The following PSAP variants were observed in gnomAD, a reference collection of about 807,000 sequenced individuals.
PSAP encodes prosaposin.
In PSAP, 25 loss-of-function variants were observed where a neutral mutation model predicts 66.0. The observed-to-expected ratio is 0.38, with a 90% CI of 0.28 to 0.53. PSAP has a LOEUF of 0.53. PSAP is among the 20% of genes least tolerant of loss of function. The pLI is 0.83. For missense variants in PSAP, 649 were observed against 668.8 expected (o/e 0.97, Z 0.33); for synonymous variants, 273 against 258.9 (o/e 1.05, Z -0.52).
chr10:71,826,146 C>A (rs1388795932), intron 6 of PSAP, among the ~76,000 whole-genome samples: 2 of 152,196 alleles, frequency 1.3e-5, no homozygotes, highest in African/African-American at 4.8e-5. Context: ...CTTAAAGATT[C>A]CACCCTCCTG....
At chr10:71,846,368 C>A (rs1209265134) in intron 1 of PSAP, among the ~76,000 whole-genome samples, 1 of 149,656 alleles carries the variant, frequency 6.7e-6, no homozygotes, top group Non-Finnish European at 1.5e-5. Context: ...AGTACTTTTG[C>A]AACAGCCAAA....
At chr10:71,819,683 C>G (rs749935050) in intron 10 of PSAP, 31 bp downstream of exon 10, 5 of 1,614,050 alleles carry the variant, frequency 3.1e-6, no homozygotes, top group Non-Finnish European at 4.2e-6. Context: ...AGAGGGGCAC[C>G]ATCCTCTCCC....
chr10:71,829,813 A>T (rs1037890806), intron 4 of PSAP, among the ~76,000 whole-genome samples: 6 of 152,094 alleles, frequency 3.9e-5, no homozygotes, highest in African/African-American at 1.4e-4. Flanking sequence ...ACCCTGGCCA[A>T]TGTGGTAAAA....
At chr10:71,842,660 C>T (rs1641707296) in intron 1 of PSAP, among the ~76,000 whole-genome samples, 1 of 152,124 alleles carries the variant, frequency 6.6e-6, no homozygotes, top group Admixed American at 6.5e-5. Context: ...TACCTCAAAT[C>T]AGAGCCACCA....
chr10:71,845,304 A>T (rs763866622), intron 1 of PSAP, among the ~76,000 whole-genome samples: 2 of 152,198 alleles, frequency 1.3e-5, no homozygotes, highest in Admixed American at 6.5e-5. Flanking sequence ...CCTAACGGGG[A>T]GGAAAAACAA....
chr10:71,846,731 C>CAAAAAA (rs56323015), intron 1 of PSAP, among the ~76,000 whole-genome samples: 1 of 49,678 alleles, frequency 2.0e-5, no homozygotes, highest in African/African-American at 9.2e-5. Flanking sequence ...GACCCTGTCT[C>CAAAAAA]AAAAAAAAAA....
At position 71,819,037 on chromosome 10, in the gene PSAP, C is replaced by A. The variant is rs1589445950; in HGVS notation, c.1425G>T (p.Val475=). The A allele has an allele frequency of 6.2e-7, 1 of 1,614,056 alleles. No individual in the cohort carries two copies. The highest frequency in any genetic ancestry group is 8.5e-7 in the Non-Finnish European group (1 of 1,179,908). ...ILVEVMDPSF[V]CLKIGACPSA... ...ACCACCCAGTGAGGCTCACCAAGCA[C>A]ACGAAGGAAGGATCCATCACCTCCA... The change falls in exon 12 of 14, where the codon GTG becomes GTT. Residue 475 remains valine (V), a synonymous_variant. Transcript: ENST00000394936.
intron 3 of PSAP, 131 bp from the exon 4 acceptor site, chr10:71,831,382 G>A (rs767902268): frequency 1.4e-4 from 173 of 1,213,964 alleles, no homozygotes; most frequent in Non-Finnish European, 2.0e-4. Flanking sequence ...CAGGGAAAAG[G>A]ACTTGGCCAT....
At chr10:71,834,543 G>C in intron 1 of PSAP, 38 bp from the exon 2 acceptor site, 6 of 1,610,386 alleles carry the variant, frequency 3.7e-6, no homozygotes, top group Non-Finnish European at 5.1e-6. Context: ...GGCCCATTTT[G>C]TAGCAAACCA....
intron 1 of PSAP, among the ~76,000 whole-genome samples, chr10:71,838,665 A>T (rs1297862725): frequency 6.6e-6 from 1 of 152,108 alleles, no homozygotes; most frequent in Admixed American, 6.5e-5. Context: ...CTGAGGTGGG[A>T]GGATCGATTG....
Position 71,825,896 on chromosome 10 carries a change from G to C in PSAP, c.721-3C>G, listed in dbSNP as rs1842392363. 6.2e-7 allele frequency: 1 copy of C among 1,612,196 alleles called. No homozygotes were observed. Among genetic ancestry groups the C allele is most frequent in the Non-Finnish European group, 8.5e-7 (1 of 1,178,394 alleles). On this transcript the variant is annotated splice_polypyrimidine_tract_variant and splice_region_variant and intron_variant, in intron 6 of 13. Coordinates refer to ENST00000394936, the MANE Select transcript of PSAP (RefSeq NM_002778.4). ...TACTGGCTGATATAGTTCTTGCACTGAGGAGAGAGAAACAGATTGCTAAAC... is the reference window on the plus strand; with the variant it reads ...TACTGGCTGATATAGTTCTTGCACTCAGGAGAGAGAAACAGATTGCTAAAC...
At chr10:71,823,799 G>T in intron 7 of PSAP, 2 of 939,878 alleles carry the variant, frequency 2.1e-6, no homozygotes, top group Non-Finnish European at 1.5e-6. Context: ...ATCTGTCAGA[G>T]CTAATCATGC....
intron 7 of PSAP, among the ~76,000 whole-genome samples, chr10:71,824,329 AG>A (rs1191981277): frequency 1.3e-5 from 2 of 152,180 alleles, no homozygotes; most frequent in African/African-American, 2.4e-5. Context: ...TGCCCAAGTA[AG>A]GGGGGTAAGG....
chr10:71,829,160 C>T, intron 4 of PSAP, 83 bp from the exon 5 acceptor site: 1 of 1,297,888 alleles, frequency 7.7e-7, no homozygotes. Context: ...CTGAATTAGT[C>T]CCTCTCTTTA....
chr10:71,834,577 G>A (rs1842586457), intron 1 of PSAP, 72 bp from the exon 2 acceptor site: 5 of 1,573,848 alleles, frequency 3.2e-6, no homozygotes, highest in Non-Finnish European at 4.3e-6. Context: ...TATTTCCCCA[G>A]GGCTGAGGGC....
chr10:71,830,698 G>C (rs913985307), intron 4 of PSAP, among the ~76,000 whole-genome samples: 4 of 152,160 alleles, frequency 2.6e-5, no homozygotes, highest in African/African-American at 9.7e-5. Flanking sequence ...GTGACACAGG[G>C]TTTGTGTCTG....
intron 4 of PSAP, 150 bp downstream of exon 4, chr10:71,830,976 G>T: frequency 8.3e-7 from 1 of 1,205,584 alleles, no homozygotes; most frequent in Non-Finnish European, 1.2e-6. Flanking sequence ...TGCCAAAGGA[G>T]CTATTCTGGA....
At chr10:71,826,931 A>G (rs953231995) in intron 6 of PSAP, among the ~76,000 whole-genome samples, 5 of 152,178 alleles carry the variant, frequency 3.3e-5, no homozygotes, top group African/African-American at 9.7e-5. Flanking sequence ...GTGATTAATA[A>G]TCTTGGAATA....
chr10:71,817,992 A>G (rs915903857), intron 13 of PSAP, among the ~76,000 whole-genome samples: 3 of 152,236 alleles, frequency 2.0e-5, no homozygotes, highest in Admixed American at 2.0e-4. Context: ...CCCTCCCTGC[A>G]GTGGTCCGAA....
Sources: gnomAD v4.1 joint callset for allele counts (sites outside exome capture counted in the v4.1 genomes callset) on GRCh38, gnomAD v4.1.1 for gene constraint, MANE v1.5 for transcripts, NCBI Gene and HGNC (gene_info 2026-07-23, HGNC 2026-07-21) for gene names.